Variants in FBXL20 observed in about 807,000 individuals in gnomAD.
FBXL20 encodes F-box and leucine rich repeat protein 20.
FBXL20 carries 11 observed loss-of-function variants against 64.0 expected under a neutral mutation model. The observed-to-expected ratio is 0.17, with a 90% confidence interval of 0.11 to 0.28. FBXL20 has a LOEUF of 0.28. FBXL20 is among the 10% of genes least tolerant of loss of function. The pLI is 1.00. For synonymous variants in FBXL20, 184 were observed against 189.0 expected, an observed-to-expected ratio of 0.97 and a Z score of 0.22; for missense variants, 303 against 526.2, an observed-to-expected ratio of 0.58 and a Z score of 4.15.
chr17:39,303,578 T>C lies in FBXL20; in HGVS notation c.159+7A>G. The C allele has an allele frequency of 6.2e-7, 1 of 1,608,860 alleles. No homozygotes were observed. Among genetic ancestry groups the C allele is most frequent in the Non-Finnish European group, 8.5e-7 (1 of 1,177,516 alleles). On this transcript the variant is annotated splice_region_variant and intron_variant, in intron 3 of 14. Coordinates refer to ENST00000264658, the MANE Select transcript of FBXL20 (RefSeq NM_032875.3). ...GGTCCCCCTGTAACTATGCCAACAA[T>C]ACTTACCCTGGAGACCTGAGCACAG...
intron 1 of FBXL20, among the ~76,000 whole-genome samples, chr17:39,375,275 A>T (rs2047956327): frequency 6.6e-6 from 1 of 152,120 alleles, no homozygotes; most frequent in African/African-American, 2.4e-5. Flanking sequence ...CTTTTGTATA[A>T]CTGGAGGTCA....
At chr17:39,271,734 A>C (rs1466927059) in intron 10 of FBXL20, among the ~76,000 whole-genome samples, 1 of 152,064 alleles carries the variant, frequency 6.6e-6, no homozygotes, top group Non-Finnish European at 1.5e-5. Context: ...TTGAGAGGGA[A>C]GCTGAGCTGG....
intron 2 of FBXL20, among the ~76,000 whole-genome samples, 184 bp from the exon 3 acceptor site, chr17:39,303,823 A>G (rs1453642036): frequency 1.3e-5 from 2 of 152,086 alleles, no homozygotes; most frequent in East Asian, 3.9e-4. Context: ...AGTAGCTAGG[A>G]CTAGAGATGC....
intron 9 of FBXL20, among the ~76,000 whole-genome samples, chr17:39,276,871 T>C (rs1440484137): frequency 6.6e-6 from 1 of 152,190 alleles, no homozygotes; most frequent in Non-Finnish European, 1.5e-5. Flanking sequence ...ATGATCGCTT[T>C]AGCCCAGGAG....
At chr17:39,401,286 G>A (rs1429059513) in intron 1 of FBXL20, 75 bp downstream of exon 1, 1 of 1,607,962 alleles carries the variant, frequency 6.2e-7, no homozygotes, top group Non-Finnish European at 8.5e-7. Context: ...AGGAGGCTCC[G>A]TGCGGAGCGG....
intron 2 of FBXL20, among the ~76,000 whole-genome samples, chr17:39,330,414 G>C (rs2047449675): frequency 6.6e-6 from 1 of 152,098 alleles, no homozygotes; most frequent in Non-Finnish European, 1.5e-5. Flanking sequence ...AGGAATTCAA[G>C]ACCAGCCTGG....
rs1567877320 is a variant in FBXL20 at position 39,317,676 on chromosome 17, TG to T, written c.105-14038del. 6.3e-3 allele frequency among the ~76,000 whole-genome samples: 723 copies of T among 115,348 alleles called. 14 individuals are homozygous for T. The highest frequency in any genetic ancestry group is 0.03 in the African/African-American group (681 of 22,518). 75.7% of individuals were successfully genotyped at this position (115,348 alleles called of 152,430 possible). On this transcript the variant is annotated intron_variant, in intron 2 of 14. Transcript: ENST00000264658. ...TTTAATACATAGGAGAGTTTGACTT[TG>T]TTTTTTTTTTTGTTTTTTTTTTTGT...
intron 10 of FBXL20, among the ~76,000 whole-genome samples, chr17:39,271,088 A>T (rs534563085): frequency 6.6e-6 from 1 of 152,328 alleles, no homozygotes; most frequent in South Asian, 2.1e-4. Context: ...CAATCAATGA[A>T]CACAGAAGAA....
At chr17:39,291,447 T>G (rs2047038668) in intron 6 of FBXL20, among the ~76,000 whole-genome samples, 1 of 147,024 alleles carries the variant, frequency 6.8e-6, no homozygotes, top group African/African-American at 2.5e-5. Flanking sequence ...TTTTTTTTTT[T>G]TTTTGAGATG....
chr17:39,291,970 C>T (rs1029341631), intron 6 of FBXL20, among the ~76,000 whole-genome samples: 1 of 140,246 alleles, frequency 7.1e-6, no homozygotes, highest in Non-Finnish European at 1.5e-5. Flanking sequence ...GTTGAGGTCA[C>T]AGAACATACC....
intron 7 of FBXL20, among the ~76,000 whole-genome samples, chr17:39,284,622 G>A (rs893180169): frequency 2.6e-5 from 4 of 152,058 alleles, no homozygotes; most frequent in Non-Finnish European, 5.9e-5. Context: ...GAGCTCAAGC[G>A]ATCCTCTTAC....
chr17:39,365,347 C>T (rs2047849138), intron 1 of FBXL20, among the ~76,000 whole-genome samples: 1 of 152,248 alleles, frequency 6.6e-6, no homozygotes, highest in East Asian at 1.9e-4. Flanking sequence ...GTTTATAATT[C>T]CTCCGCCCAA....
intron 9 of FBXL20, among the ~76,000 whole-genome samples, chr17:39,275,450 C>G (rs1169617632): frequency 7.2e-5 from 11 of 152,024 alleles, no homozygotes; most frequent in Admixed American, 7.2e-4. Flanking sequence ...CTCACTCTAT[C>G]ACCCAGGCTG....
chr17:39,332,323 GCAC>G (rs2047469126), intron 2 of FBXL20, among the ~76,000 whole-genome samples: 2 of 152,264 alleles, frequency 1.3e-5, no homozygotes, highest in South Asian at 4.1e-4. Flanking sequence ...CCCCTGAATG[GCAC>G]CTAAGCCGCT....
intron 1 of FBXL20, among the ~76,000 whole-genome samples, chr17:39,363,924 C>A (rs1235090151): frequency 8.1e-6 from 1 of 123,132 alleles, no homozygotes; most frequent in South Asian, 2.8e-4. Context: ...AAGTCCCACT[C>A]GGTCGCCCAG....
chr17:39,400,539 G>T (rs568694218), intron 1 of FBXL20, among the ~76,000 whole-genome samples: 12 of 152,204 alleles, frequency 7.9e-5, no homozygotes, highest in Middle Eastern at 3.4e-3. Flanking sequence ...GAACCTTCCA[G>T]TATATTGTTA....
chr17:39,275,310 C>G (rs972951916), intron 9 of FBXL20, among the ~76,000 whole-genome samples: 1 of 152,068 alleles, frequency 6.6e-6, no homozygotes, highest in Non-Finnish European at 1.5e-5. Flanking sequence ...AGGGAAGAAG[C>G]TATAATAGAA....
intron 5 of FBXL20, 77 bp downstream of exon 5, chr17:39,298,913 G>A (rs537046476): frequency 2.6e-5 from 30 of 1,155,700 alleles, no homozygotes; most frequent in Admixed American, 1.9e-4. Flanking sequence ...GAATTTTAAC[G>A]ATTTTAGCCT....
rs2048242837 is a variant in FBXL20, at chr17:39,401,412, G to A, written c.-10C>T. The A allele has an allele frequency of 6.3e-7, 1 of 1,599,834 alleles. No homozygotes were observed. Among genetic ancestry groups the A allele is most frequent in the East Asian group, 2.3e-5 (1 of 43,590 alleles). The stretch of plus-strand genomic sequence containing the variant: ...TCACGTCCCTCCTCATGGGGCCGGC[G>A]GGTGCGGCCCGGGCCGGGCGCTGCG... On this transcript the variant is annotated 5_prime_UTR_variant, in exon 1 of 15. Coordinates refer to ENST00000264658, the MANE Select transcript of FBXL20 (RefSeq NM_032875.3).
Sources: gnomAD v4.1 joint callset for allele counts (sites outside exome capture counted in the v4.1 genomes callset) on GRCh38, gnomAD v4.1.1 for gene constraint, MANE v1.5 for transcripts, NCBI Gene and HGNC (gene_info 2026-07-23, HGNC 2026-07-21) for gene names.